PCDH15: variants seen among roughly 807,000 people sequenced by gnomAD.
PCDH15 encodes protocadherin related 15.
A neutral mutation model predicts 178.5 loss-of-function variants in PCDH15; 129 were observed. The observed-to-expected ratio is 0.72, with a 90% CI of 0.63 to 0.84. The LOEUF (loss-of-function observed/expected upper bound fraction) is 0.84, where lower values mean the gene tolerates loss of function less well. PCDH15 is among the 40% of genes least tolerant of loss of function. The probability of loss-of-function intolerance (pLI) is 0.00; values close to 1 mark genes in which losing one functional copy is unlikely to be tolerated. For missense variants in PCDH15, 2,230 were observed against 2,099.9 expected, an observed-to-expected ratio of 1.06 and a Z score of -1.21; for synonymous variants, 800 against 732.0, an observed-to-expected ratio of 1.09 and a Z score of -1.50.
chr10:54,626,057 G>T (rs2093538561), intron 2 of PCDH15, among the ~76,000 whole-genome samples: 1 of 152,146 alleles, frequency 6.6e-6, no homozygotes, highest in African/African-American at 2.4e-5. Flanking sequence ...CCCTGCCTTA[G>T]AGATTTGTGG....
intron 1 of PCDH15, among the ~76,000 whole-genome samples, chr10:55,259,902 C>CAAAAAAAAAAAAAAA (rs749939571): frequency 2.9e-4 from 15 of 52,008 alleles, no homozygotes; most frequent in Non-Finnish European, 4.7e-4. Context: ...AACTCCGTCT[C>CAAAAAAAAAAAAAAA]AAAAAAAAAA....
intron 3 of PCDH15, among the ~76,000 whole-genome samples, chr10:54,454,633 A>G (rs1440475970): frequency 1.3e-5 from 2 of 152,082 alleles, no homozygotes; most frequent in East Asian, 1.9e-4. Context: ...TTCCTTGCCT[A>G]TAATTACACG....
At chr10:53,989,731 G>C (rs879916615) in intron 21 of PCDH15, among the ~76,000 whole-genome samples, 1 of 152,064 alleles carries the variant, frequency 6.6e-6, no homozygotes, top group Non-Finnish European at 1.5e-5. Context: ...TCCTGGGTGA[G>C]AAATCATAGT....
At chr10:54,555,241 A>C (rs2133251324) in intron 2 of PCDH15, among the ~76,000 whole-genome samples, 1 of 152,222 alleles carries the variant, frequency 6.6e-6, no homozygotes, top group East Asian at 1.9e-4. Flanking sequence ...GAGTCAATAA[A>C]GTATTTAGGA....
rs75159800 is a variant in PCDH15 at position 54,845,404 on chromosome 10, G to A, written c.-29+52046C>T. On this transcript the variant is annotated intron_variant, in intron 3 of 5. Transcript: ENST00000458638. ...TCCACTTCCCATTACTTGCTTCCTC[G>A]ATCAAGGTTGGGTCAAACTAGAGAA... 2.3e-3 allele frequency among the ~76,000 whole-genome samples: 351 copies of A among 152,084 alleles called. 1 individual carries two copies. The highest frequency in any genetic ancestry group is 7.9e-3 in the African/African-American group (328 of 41,528).
At chr10:54,620,999 TA>T (rs2093333686) in intron 2 of PCDH15, among the ~76,000 whole-genome samples, 1 of 152,040 alleles carries the variant, frequency 6.6e-6, no homozygotes, top group Admixed American at 6.6e-5. Context: ...TATTCTTTTT[TA>T]GGAGGACACA....
chr10:54,914,401 G>A (rs1954868461), intron 2 of PCDH15, among the ~76,000 whole-genome samples: 1 of 151,998 alleles, frequency 6.6e-6, no homozygotes, highest in Non-Finnish European at 1.5e-5. Context: ...TTGCAATGAT[G>A]GGCCAGTTTG....
At chr10:54,686,483 T>C (rs187553940) in intron 1 of PCDH15, among the ~76,000 whole-genome samples, 44 of 152,270 alleles carry the variant, frequency 2.9e-4, no homozygotes, top group Non-Finnish European at 1.9e-4. Context: ...CATAAAATCA[T>C]TGCTGAGACG....
chr10:54,592,932 T>C (rs1025576616), intron 2 of PCDH15, among the ~76,000 whole-genome samples: 1 of 152,186 alleles, frequency 6.6e-6, no homozygotes, highest in Non-Finnish European at 1.5e-5. Flanking sequence ...TGATAATTAA[T>C]GTCATTAATC....
chr10:54,307,140 AT>A (rs1357285694), intron 8 of PCDH15, among the ~76,000 whole-genome samples: 3 of 93,286 alleles, frequency 3.2e-5, no homozygotes, highest in African/African-American at 1.2e-4. Context: ...ATATATATAT[AT>A]ATATATATAA....
chr10:55,317,991 T>C (rs1297746997), intron 1 of PCDH15, among the ~76,000 whole-genome samples: 1 of 152,022 alleles, frequency 6.6e-6, no homozygotes, highest in Non-Finnish European at 1.5e-5. Flanking sequence ...GTGGGAAAAA[T>C]TGTCGTCTAC....
intron 23 of PCDH15, among the ~76,000 whole-genome samples, chr10:53,946,470 G>A (rs557257617): frequency 6.6e-6 from 1 of 152,260 alleles, no homozygotes; most frequent in African/African-American, 2.4e-5. Context: ...ATGTCACATG[G>A]ATGAAATCAT....
chr10:55,034,485 A>G (rs1840688778), intron 2 of PCDH15, among the ~76,000 whole-genome samples: 1 of 152,148 alleles, frequency 6.6e-6, no homozygotes, highest in African/African-American at 2.4e-5. Context: ...TTTCTTTGTA[A>G]GTTACCATTT....
intron 3 of PCDH15, among the ~76,000 whole-genome samples, chr10:54,491,900 A>G (rs979302326): frequency 6.6e-6 from 1 of 152,158 alleles, no homozygotes; most frequent in Admixed American, 6.6e-5. Context: ...ATGCCTTGCA[A>G]TCAGTTGAGA....
chr10:54,027,788 A>G (rs1200168588), intron 18 of PCDH15, among the ~76,000 whole-genome samples: 2 of 141,986 alleles, frequency 1.4e-5, no homozygotes, highest in South Asian at 4.7e-4. Context: ...ACAAAAATCA[A>G]TTCAAGATGG....
At chr10:54,684,560 GT>G (rs2094959756) in intron 1 of PCDH15, among the ~76,000 whole-genome samples, 1 of 151,750 alleles carries the variant, frequency 6.6e-6, no homozygotes, top group African/African-American at 2.4e-5. Flanking sequence ...ATAATTCTGT[GT>G]TTTTTTCTCT....
Position 54,153,147 on chromosome 10 carries a change from GT to G in PCDH15, c.1736del (p.Tyr579SerfsTer41), listed in dbSNP as rs774541867. 1 of 1,613,894 alleles carries G rather than the reference GT, an allele frequency of 6.2e-7. No homozygotes were observed. Among genetic ancestry groups the G allele is most frequent in the East Asian group, 2.2e-5 (1 of 44,858 alleles). ...TATCCGCTGCTTGGACCGTGAGTGCGTAAGTCCGCCCGACTATCATTTCCAC... is the reference window on the plus strand; with the variant it reads ...TATCCGCTGCTTGGACCGTGAGTGCGAAGTCCGCCCGACTATCATTTCCAC... ...PGVEMIVGRTYALTVQAADNA... is the reference protein window; with the variant it reads ...PGVEMIVGRTXALTVQAADNA... On this transcript the variant is annotated frameshift_variant, in exon 14 of 38. Transcript: ENST00000644397. LOFTEE classifies it high-confidence loss of function.
At chr10:55,486,964 C>A (rs1840310438) in intron 2 of PCDH15, among the ~76,000 whole-genome samples, 1 of 151,584 alleles carries the variant, frequency 6.6e-6, no homozygotes, top group Admixed American at 6.6e-5. Flanking sequence ...CCACAAAATG[C>A]CTGTACTTCA....
In PCDH15 at chr10:53,926,719, C is replaced by T. The variant is rs528824867; in HGVS notation, c.3373+12096G>A. ...AAGGGCCATGGTCACTCATATTTGGCTCAGAATAAATTGCTTCAAATGTTT... is the reference window on the plus strand; with the variant it reads ...AAGGGCCATGGTCACTCATATTTGGTTCAGAATAAATTGCTTCAAATGTTT... On this transcript the variant is annotated intron_variant, in intron 25 of 37. Transcript: ENST00000644397. 1.1e-4 allele frequency among the ~76,000 whole-genome samples: 16 copies of T among 152,326 alleles called. No homozygotes were observed. In the East Asian group the frequency reaches 3.1e-3, roughly 29 times the overall value.
Sources: allele counts gnomAD v4.1 joint callset (sites outside exome capture counted in the v4.1 genomes callset), GRCh38; gene constraint gnomAD v4.1.1; transcripts MANE v1.5; gene names NCBI Gene and HGNC (gene_info 2026-07-23, HGNC 2026-07-21).